The following EIF4E1B variants were observed in gnomAD, a reference collection of about 807,000 sequenced individuals.
EIF4E1B encodes the protein eukaryotic translation initiation factor 4E type 1B.
Under a neutral mutation model 31.3 loss-of-function variants are expected in EIF4E1B, and 22 were observed. The observed-to-expected ratio is 0.70, with a 90% confidence interval of 0.50 to 1.00. EIF4E1B has a LOEUF of 1.00. Ranked by LOEUF, EIF4E1B falls within the 50% of genes least tolerant of loss-of-function variation. EIF4E1B has a pLI of 0.00. For synonymous variants in EIF4E1B, 126 were observed against 120.2 expected, an observed-to-expected ratio of 1.05 and a Z score of -0.31; for missense variants, 290 against 311.6, an observed-to-expected ratio of 0.93 and a Z score of 0.52.
chr5:176,630,834 G>A lies in EIF4E1B; in HGVS notation c.-432G>A, dbSNP rs1760359458. On this transcript the variant is annotated 5_prime_UTR_variant, in exon 1 of 9. Coordinates refer to ENST00000318682, the MANE Select transcript of EIF4E1B (RefSeq NM_001099408.2). The stretch of plus-strand genomic sequence containing the variant: ...ACTCGGCTCTCCTTTCTGAATGACA[G>A]TTTCCTCCTCTGTAAAACAGGAATG... 1 of 152,294 alleles carries A rather than the reference G, an allele frequency of 6.6e-6. No individual in the cohort carries two copies. Among genetic ancestry groups the A allele is most frequent in the Non-Finnish European group, 1.5e-5 (1 of 68,064 alleles). The allele number at this position is 152,294 out of a possible 1,614,324, so 9.4% of individuals were successfully genotyped here. A position where few individuals can be genotyped will look rare whatever the true frequency, so the allele number is the denominator to read the frequency against.
chr5:176,636,715 T>G (rs1760498841), intron 1 of EIF4E1B, among the ~76,000 whole-genome samples: 1 of 152,226 alleles, frequency 6.6e-6, no homozygotes, highest in Admixed American at 6.5e-5. Flanking sequence ...ATCTGCAATG[T>G]GCCAAGTACT....
intron 1 of EIF4E1B, among the ~76,000 whole-genome samples, chr5:176,632,307 G>A (rs1214614170): frequency 2.0e-5 from 3 of 152,130 alleles, no homozygotes; most frequent in African/African-American, 7.2e-5. Flanking sequence ...CCAGGCTGGA[G>A]TGCAGTGGTG....
At position 176,645,984 on chromosome 5, in the gene EIF4E1B, G is replaced by T; in HGVS notation, c.*4G>T. ...CAAGAACAAGTTTGTGGTGTGAGGG[G>T]GGCCTTGGCACCCCTCCTATGTAAT... On this transcript the variant is annotated 3_prime_UTR_variant, in exon 9 of 9. Coordinates refer to ENST00000318682, the MANE Select transcript of EIF4E1B (RefSeq NM_001099408.2). The surrounding 1 kb of genome is among the most constrained non-coding windows in gnomAD (Gnocchi z 5.4). 6.3e-7 allele frequency: 1 copy of T among 1,595,202 alleles called. No individual in the cohort carries two copies. Among genetic ancestry groups the T allele is most frequent in the Non-Finnish European group, 8.5e-7 (1 of 1,171,046 alleles).
Position 176,645,177 on chromosome 5 carries a change from C to T in EIF4E1B, c.408C>T (p.Gly136=). The T allele has an allele frequency of 6.3e-7, 1 of 1,579,756 alleles. No homozygotes were observed. Among genetic ancestry groups the T allele is most frequent in the East Asian group, 2.3e-5 (1 of 42,892 alleles). The part of the protein sequence containing the change: ...MWEDSRNKRG[G]RWLVSLAKQQ... ...AGGACAGCAGGAATAAACGGGGTGGCCGCTGGCTGGTCAGCCTGGCCAAGC... is the reference window on the plus strand; with the variant it reads ...AGGACAGCAGGAATAAACGGGGTGGTCGCTGGCTGGTCAGCCTGGCCAAGC... Residue 136 remains glycine, a synonymous_variant, in exon 7 of 9, where the codon GGC becomes GGT. Coordinates refer to ENST00000318682, the MANE Select transcript of EIF4E1B (RefSeq NM_001099408.2). The surrounding 1 kb of genome is among the most constrained non-coding windows in gnomAD (Gnocchi z 5.4).
chr5:176,643,290 A>C (rs1179680336), intron 4 of EIF4E1B, 24 bp downstream of exon 4: 1 of 1,606,262 alleles, frequency 6.2e-7, no homozygotes, highest in Non-Finnish European at 8.5e-7. Flanking sequence ...TGCGAGTGGA[A>C]CACAGCCCCT....
chr5:176,637,823 CT>C (rs1355800386), intron 1 of EIF4E1B, among the ~76,000 whole-genome samples: 1 of 152,108 alleles, frequency 6.6e-6, no homozygotes, highest in African/African-American at 2.4e-5. Flanking sequence ...TTAACGGCTG[CT>C]GTGTAGGGAG....
chr5:176,644,148 G>T, intron 5 of EIF4E1B: 1 of 588,026 alleles, frequency 1.7e-6, no homozygotes, highest in Non-Finnish European at 3.0e-6. Context: ...GCACCAGGGG[G>T]TCTAAAACCC....
chr5:176,645,548 T>C lies in EIF4E1B; in HGVS notation c.614+32T>C, dbSNP rs989519444. 10 of 1,499,424 alleles carry C rather than the reference T, an allele frequency of 6.7e-6. No homozygotes were observed. Among genetic ancestry groups the C allele is most frequent in the African/African-American group, 2.8e-5 (2 of 71,124 alleles). The allele number at this position is 1,499,424 out of a possible 1,614,324, so 92.9% of individuals were successfully genotyped here. On this transcript the variant is annotated intron_variant, in intron 8 of 8. Coordinates refer to ENST00000318682, the MANE Select transcript of EIF4E1B (RefSeq NM_001099408.2). This position sits in a 1 kb window ranked among gnomAD's most constrained non-coding sequence, Gnocchi z 5.4. ...AGGGTCTCTGGCACAGGGTGGGGAC[T>C]TGGGTCTCTGCTAGAGGGAAGGTGG... is the stretch of plus-strand genomic sequence containing the variant.
Position 176,643,804 on chromosome 5 carries a change from A to T in EIF4E1B, c.296+70A>T. Reference sequence around the variant, plus strand: ...CTCTGGGCTCCCTCTCTCCGGGTTGAGCCAGCCCTCCCTAGGGCCTTTCAG... The same window carrying T: ...CTCTGGGCTCCCTCTCTCCGGGTTGTGCCAGCCCTCCCTAGGGCCTTTCAG... On this transcript the variant is annotated intron_variant, in intron 5 of 8. Transcript: ENST00000318682. 10 of 1,510,458 alleles carry T rather than the reference A, an allele frequency of 6.6e-6. No homozygotes were observed. In the South Asian group the frequency reaches 1.1e-4, roughly 16 times the overall value. The allele number at this position is 1,510,458 out of a possible 1,614,324, so 93.6% of individuals were successfully genotyped here.
At chr5:176,632,320 A>G (rs920790968) in intron 1 of EIF4E1B, among the ~76,000 whole-genome samples, 1 of 151,936 alleles carries the variant, frequency 6.6e-6, no homozygotes, top group African/African-American at 2.4e-5. Context: ...CAGTGGTGCA[A>G]TCTTGGGTCA....
intron 6 of EIF4E1B, chr5:176,644,658 G>A (rs1760659068): frequency 1.8e-6 from 1 of 550,732 alleles, no homozygotes; most frequent in Non-Finnish European, 3.2e-6. Flanking sequence ...GCGGGAAGAG[G>A]GAGAGGGAGA....
intron 2 of EIF4E1B, 89 bp from the exon 3 acceptor site, chr5:176,642,621 G>A (rs1266104596): frequency 2.7e-5 from 31 of 1,140,622 alleles, no homozygotes; most frequent in South Asian, 1.3e-4. Flanking sequence ...CGGCAGGGCC[G>A]TCCACCTCAC....
chr5:176,634,509 C>A (rs968477158), intron 1 of EIF4E1B, among the ~76,000 whole-genome samples: 2 of 151,916 alleles, frequency 1.3e-5, no homozygotes, highest in Admixed American at 6.6e-5. Flanking sequence ...ATAAAAATAA[C>A]CTTAAGAGCA....
intron 1 of EIF4E1B, among the ~76,000 whole-genome samples, chr5:176,640,822 T>C (rs1476642967): frequency 2.0e-5 from 3 of 152,260 alleles, no homozygotes; most frequent in African/African-American, 7.2e-5. Flanking sequence ...CGTCCTCTGG[T>C]ATTCCACATT....
intron 5 of EIF4E1B, 165 bp from the exon 6 acceptor site, chr5:176,644,211 T>G: frequency 1.4e-6 from 1 of 706,446 alleles, no homozygotes; most frequent in Non-Finnish European, 2.3e-6. Context: ...AAAAGGTGGG[T>G]CTTGAGAGTT....
chr5:176,631,140 C>T, intron 1 of EIF4E1B, 76 bp downstream of exon 1: 1 of 152,378 alleles, frequency 6.6e-6, no homozygotes, highest in East Asian at 1.9e-4. Context: ...TCAGGGAAGG[C>T]CTCTACCAGC....
At chr5:176,643,341 G>T in intron 4 of EIF4E1B, 75 bp downstream of exon 4, 1 of 1,478,496 alleles carries the variant, frequency 6.8e-7, no homozygotes, top group South Asian at 1.3e-5. Context: ...GTGGCCTTGG[G>T]CAACCCCGCC....
intron 5 of EIF4E1B, 105 bp from the exon 6 acceptor site, chr5:176,644,271 C>CTT: frequency 8.2e-7 from 1 of 1,219,058 alleles, no homozygotes; most frequent in Non-Finnish European, 1.1e-6. Flanking sequence ...TAAGCAAAGG[C>CTT]TTGGAGGCCA....
Position 176,645,278 on chromosome 5 carries a change from AC to A in EIF4E1B, c.474+36del, listed in dbSNP as rs1258766089. On this transcript the variant is annotated intron_variant, in intron 7 of 8. Coordinates refer to ENST00000318682, the MANE Select transcript of EIF4E1B (RefSeq NM_001099408.2). This position sits in a 1 kb window ranked among gnomAD's most constrained non-coding sequence, Gnocchi z 5.4. ...AGGAGGAGGGTCCTCAGGGGAAGAG[AC>A]GGGCTGTGTGGGTCTCATGGTGGCA... 1 of 1,601,904 alleles carries A rather than the reference AC, an allele frequency of 6.2e-7. No homozygotes were observed. Among genetic ancestry groups the A allele is most frequent in the Non-Finnish European group, 8.5e-7 (1 of 1,172,238 alleles).
Sources: gnomAD v4.1 joint callset for allele counts (sites outside exome capture counted in the v4.1 genomes callset) on GRCh38, gnomAD v4.1.1 for gene constraint, Gnocchi (gnomAD v3.1) non-coding constraint, MANE v1.5 for transcripts, NCBI Gene and HGNC (gene_info 2026-07-23, HGNC 2026-07-21) for gene names.